Variants in CD300LF observed in about 807,000 individuals in gnomAD.
CD300LF encodes the protein CMRF35-like molecule 1.
Under a neutral mutation model 32.2 loss-of-function variants are expected in CD300LF, and 27 were observed. That is an observed-to-expected ratio of 0.84 (90% confidence interval 0.62 to 1.15). The LOEUF is 1.15. Among genes scored for constraint, CD300LF ranks in the 50% most tolerant of loss-of-function variants. The pLI, the probability that CD300LF is intolerant of heterozygous loss-of-function variation, is 0.00. For missense variants in CD300LF, 348 were observed against 356.8 expected (o/e 0.98, Z 0.20); for synonymous variants, 139 against 143.2 (o/e 0.97, Z 0.21).
chr17:74,704,186 T>C (rs1317037747), intron 2 of CD300LF, among the ~76,000 whole-genome samples: 2 of 152,178 alleles, frequency 1.3e-5, no homozygotes, highest in East Asian at 3.9e-4. Context: ...GGCATCCCTT[T>C]GGCCCATGGG....
chr17:74,699,287 C>A (rs2032815417), intron 3 of CD300LF, among the ~76,000 whole-genome samples: 1 of 152,162 alleles, frequency 6.6e-6, no homozygotes. Context: ...AGAAGCCTAA[C>A]AGAAATTGTA....
chr17:74,698,753 C>T (rs773662812), intron 3 of CD300LF: 2 of 645,706 alleles, frequency 3.1e-6, no homozygotes, highest in Middle Eastern at 8.5e-4. Context: ...TACAAACTAC[C>T]TATTGGGTAC....
intron 1 of CD300LF, among the ~76,000 whole-genome samples, chr17:74,705,859 T>G (rs1275701531): frequency 4.6e-5 from 7 of 152,186 alleles, no homozygotes; most frequent in Non-Finnish European, 8.8e-5. Flanking sequence ...CCTCACAAAG[T>G]GTTGGGATTA....
chr17:74,700,808 A>AC (rs1193065585), intron 3 of CD300LF, among the ~76,000 whole-genome samples: 4 of 151,016 alleles, frequency 2.6e-5, no homozygotes, highest in East Asian at 3.9e-4. Flanking sequence ...GTACACCACC[A>AC]CCCCCCCACC....
chr17:74,698,246 G>T, intron 4 of CD300LF, 123 bp downstream of exon 4: 1 of 727,448 alleles, frequency 1.4e-6, no homozygotes, highest in Non-Finnish European at 2.3e-6. Context: ...CAGCTGCTGA[G>T]GGCCTTTGGG....
At chr17:74,706,776 G>A (rs1440954879) in intron 1 of CD300LF, among the ~76,000 whole-genome samples, 1 of 152,216 alleles carries the variant, frequency 6.6e-6, no homozygotes, top group African/African-American at 2.4e-5. Flanking sequence ...TGAGGACCAC[G>A]GCAGCCTGGA....
chr17:74,696,387 C>T lies in CD300LF; in HGVS notation c.560-170G>A, dbSNP rs182272081. Among the ~76,000 whole-genome samples, 82 of 152,294 alleles carry T rather than the reference C, an allele frequency of 5.4e-4. No individual in the cohort carries two copies. In the East Asian group the frequency reaches 0.013, roughly 24 times the overall value. ...CTCAGATGACACAGTCTGTGACATT[C>T]GTCATGTCACCTCTCTGACCTTTCA... On this transcript the variant is annotated intron_variant, in intron 4 of 6. Transcript: ENST00000326165.
chr17:74,702,443 GA>G (rs2033139686), intron 3 of CD300LF, among the ~76,000 whole-genome samples: 1 of 152,212 alleles, frequency 6.6e-6, no homozygotes, highest in Non-Finnish European at 1.5e-5. Flanking sequence ...GTGGTTGTAG[GA>G]AAGGTCAAAG....
At chr17:74,710,431 A>C (rs1287716551) in intron 1 of CD300LF, among the ~76,000 whole-genome samples, 1 of 152,240 alleles carries the variant, frequency 6.6e-6, no homozygotes, top group African/African-American at 2.4e-5. Context: ...ACATGTAAAA[A>C]TCAATGGCTT....
At chr17:74,697,232 C>T (rs551815758) in intron 4 of CD300LF, among the ~76,000 whole-genome samples, 3 of 152,284 alleles carry the variant, frequency 2.0e-5, no homozygotes, top group South Asian at 4.1e-4. Flanking sequence ...GCATGAGCCA[C>T]GACACCCAGA....
intron 5 of CD300LF, 77 bp from the exon 6 acceptor site, chr17:74,695,936 A>C: frequency 6.6e-7 from 1 of 1,516,278 alleles, no homozygotes. Context: ...GTGGGACGGG[A>C]CGAGAGCCTC....
rs1598217616 is a variant in CD300LF at position 74,698,692 on chromosome 17, C to T, written c.447-211G>A. On this transcript the variant is annotated intron_variant, in intron 3 of 6. Coordinates refer to ENST00000326165, the MANE Select transcript of CD300LF (RefSeq NM_139018.5). Reference sequence around the variant, plus strand: ...AAAGAAGGGAATGGAACAAGAGACACCAGGGCCTACTTGAGGATGGAGGGT... The same window carrying T: ...AAAGAAGGGAATGGAACAAGAGACATCAGGGCCTACTTGAGGATGGAGGGT... The T allele has an allele frequency of 2.4e-6, 3 of 1,248,190 alleles. No individual in the cohort carries two copies. In the East Asian group the frequency reaches 7.8e-5, roughly 33 times the overall value. 77.3% of individuals were successfully genotyped at this position (1,248,190 alleles called of 1,614,324 possible).
chr17:74,704,851 A>AC lies in CD300LF; in HGVS notation c.44-36dup, dbSNP rs1468034963. 3.9e-6 allele frequency: 6 copies of AC among 1,536,460 alleles called. No individual in the cohort carries two copies. In the South Asian group the frequency reaches 7.1e-5, roughly 18 times the overall value. On this transcript the variant is annotated intron_variant, in intron 1 of 6. Transcript: ENST00000326165. ...ACAAATTCATGTGCTGTCACCTCCC[A>AC]CCCCAAGGGCAGGGCCACAGCTTTC...
chr17:74,702,989 A>T (rs1370093541), intron 3 of CD300LF, 46 bp downstream of exon 3: 1 of 1,454,184 alleles, frequency 6.9e-7, no homozygotes, highest in Admixed American at 1.7e-5. Flanking sequence ...TCTCCATTGG[A>T]GGAGTTTGGG....
chr17:74,707,662 C>T (rs1256065541), intron 1 of CD300LF, among the ~76,000 whole-genome samples: 1 of 151,356 alleles, frequency 6.6e-6, no homozygotes, highest in Non-Finnish European at 1.5e-5. Context: ...TTGCAGTGAG[C>T]CAAGATCGTG....
intron 4 of CD300LF, among the ~76,000 whole-genome samples, chr17:74,697,557 G>T (rs1271772321): frequency 6.6e-6 from 1 of 152,230 alleles, no homozygotes; most frequent in East Asian, 1.9e-4. Context: ...TTCCCAGGCT[G>T]TGGGGAGGGA....
chr17:74,695,253 T>A lies in CD300LF; in HGVS notation c.718-2A>T. ...AATGTCCTCCTTCGGCAAGGAAGCC[T>A]GCAGCAAAGGCGGGCTCCAGGTCAG... On this transcript the variant is annotated splice_acceptor_variant, in intron 6 of 6. Transcript: ENST00000326165. LOFTEE classifies it high-confidence loss of function. The A allele has an allele frequency of 6.2e-7, 1 of 1,613,822 alleles. No homozygotes were observed.
intron 3 of CD300LF, among the ~76,000 whole-genome samples, chr17:74,700,707 C>G (rs1352933227): frequency 6.6e-6 from 1 of 151,980 alleles, no homozygotes; most frequent in Non-Finnish European, 1.5e-5. Context: ...AGCCGAGATC[C>G]TGCCACTGCA....
Position 74,705,359 on chromosome 17 carries a change from G to A in CD300LF, c.44-543C>T, listed in dbSNP as rs753945401. The A allele has an allele frequency of 4.5e-4, 295 of 658,110 alleles. 1 individual carries two copies. The highest frequency in any genetic ancestry group is 3.2e-4 in the Middle Eastern group (1 of 3,126). 40.8% of individuals were successfully genotyped at this position (658,110 alleles called of 1,614,324 possible). ...CTTTGAAGTTGATCAAAACAGCAACGGCAACTGGTCTCCATGTGCTATAGG... is the reference window on the plus strand; with the variant it reads ...CTTTGAAGTTGATCAAAACAGCAACAGCAACTGGTCTCCATGTGCTATAGG... On this transcript the variant is annotated intron_variant, in intron 1 of 6. Coordinates refer to ENST00000326165, the MANE Select transcript of CD300LF (RefSeq NM_139018.5).
Sources: gnomAD v4.1 joint callset for allele counts (sites outside exome capture counted in the v4.1 genomes callset) on GRCh38, gnomAD v4.1.1 for gene constraint, MANE v1.5 for transcripts, NCBI Gene and HGNC (gene_info 2026-07-23, HGNC 2026-07-21) for gene names.